Variants in SECISBP2L observed in about 807,000 individuals in gnomAD.
SECISBP2L encodes the protein SECIS binding protein 2 like.
Under a neutral mutation model 114.7 loss-of-function variants are expected in SECISBP2L, and 43 were observed. That is an observed-to-expected ratio of 0.38 (90% CI 0.29 to 0.48). The LOEUF (loss-of-function observed/expected upper bound fraction) is 0.48, where lower values mean the gene tolerates loss of function less well. Ranked by LOEUF, SECISBP2L falls within the 20% of genes least tolerant of loss-of-function variation. The pLI is 0.98. For synonymous variants in SECISBP2L, 451 were observed against 439.7 expected (o/e 1.03, Z -0.32); for missense variants, 1,136 against 1,301.1 (o/e 0.87, Z 1.95).
At chr15:49,037,117 G>A (rs1452050869) in intron 2 of SECISBP2L, among the ~76,000 whole-genome samples, 1 of 151,866 alleles carries the variant, frequency 6.6e-6, no homozygotes, top group Non-Finnish European at 1.5e-5. Context: ...AAATCATCCT[G>A]TAACTATAGC....
chr15:49,027,845 G>A (rs1595792697), intron 6 of SECISBP2L, among the ~76,000 whole-genome samples: 2 of 152,000 alleles, frequency 1.3e-5, no homozygotes, highest in Non-Finnish European at 2.9e-5. Context: ...TCCTGACCTC[G>A]TGATCCACCC....
At chr15:48,994,208 T>C (rs1489324269) in intron 17 of SECISBP2L, among the ~76,000 whole-genome samples, 3 of 152,174 alleles carry the variant, frequency 2.0e-5, no homozygotes, top group Non-Finnish European at 4.4e-5. Context: ...TAGTAACACT[T>C]GATCCTACTT....
chr15:49,034,960 C>T (rs1358783214), intron 3 of SECISBP2L, among the ~76,000 whole-genome samples: 1 of 152,076 alleles, frequency 6.6e-6, no homozygotes, highest in East Asian at 1.9e-4. Flanking sequence ...CTACACCTGG[C>T]CCATTGAAAT....
chr15:48,996,685 C>A, intron 16 of SECISBP2L, 99 bp from the exon 17 acceptor site: 1 of 1,053,140 alleles, frequency 9.5e-7, no homozygotes. Context: ...CAGGGTCAGA[C>A]ACTTTCAATG....
chr15:49,005,682 C>T (rs1288202106), intron 14 of SECISBP2L, among the ~76,000 whole-genome samples: 6 of 149,438 alleles, frequency 4.0e-5, no homozygotes, highest in African/African-American at 1.2e-4. Flanking sequence ...ATACAGGACA[C>T]CAATGGGTCT....
At chr15:49,029,345 C>T (rs1160667175) in intron 4 of SECISBP2L, among the ~76,000 whole-genome samples, 1 of 152,176 alleles carries the variant, frequency 6.6e-6, no homozygotes, top group Non-Finnish European at 1.5e-5. Context: ...ATATCATTCC[C>T]TCACTTTTCT....
intron 11 of SECISBP2L, 125 bp downstream of exon 11, chr15:49,016,433 CAT>C (rs1259806001): frequency 1.8e-5 from 14 of 760,612 alleles, no homozygotes; most frequent in African/African-American, 7.3e-5. Flanking sequence ...AACACACATA[CAT>C]ATATATACAC....
chr15:49,004,047 C>T lies in SECISBP2L; in HGVS notation c.2028-2950G>A, dbSNP rs192388667. Among the ~76,000 whole-genome samples the T allele has an allele frequency of 1.6e-3, 248 of 152,168 alleles. 1 individual carries two copies. The highest frequency in any genetic ancestry group is 9.8e-3 in the Admixed American group (150 of 15,280). ...TCCTCTTTGTAACTCTGGCAGAATT[C>T]GGCTGTGAATATGTCTGGTTCTAGG... On this transcript the variant is annotated intron_variant, in intron 14 of 17. Coordinates refer to ENST00000559471, the MANE Select transcript of SECISBP2L (RefSeq NM_001193489.2).
At chr15:49,043,824 C>T (rs1418599994) in intron 1 of SECISBP2L, among the ~76,000 whole-genome samples, 1 of 151,952 alleles carries the variant, frequency 6.6e-6, no homozygotes, top group Non-Finnish European at 1.5e-5. Context: ...ATCCATCTAG[C>T]ACTGTATTCC....
chr15:49,023,033 A>AT (rs1301887204), intron 7 of SECISBP2L, among the ~76,000 whole-genome samples: 1 of 152,064 alleles, frequency 6.6e-6, no homozygotes, highest in African/African-American at 2.4e-5. Context: ...CCATCAAAAA[A>AT]AAAAGGACCA....
intron 8 of SECISBP2L, 46 bp downstream of exon 8, chr15:49,019,372 G>T: frequency 7.7e-7 from 1 of 1,296,452 alleles, no homozygotes; most frequent in Non-Finnish European, 9.8e-7. Context: ...TTTCTTAATG[G>T]GAACATTTCC....
chr15:49,030,962 C>T (rs1379363713), intron 4 of SECISBP2L, among the ~76,000 whole-genome samples: 2 of 150,000 alleles, frequency 1.3e-5, no homozygotes, highest in East Asian at 3.9e-4. Flanking sequence ...ATTAGTTTAT[C>T]AAGTTTCCCC....
intron 12 of SECISBP2L, among the ~76,000 whole-genome samples, chr15:49,012,269 A>G (rs1396243361): frequency 6.6e-6 from 1 of 152,240 alleles, no homozygotes; most frequent in East Asian, 1.9e-4. Context: ...GTTAAATCAA[A>G]TATGCTCCCC....
intron 11 of SECISBP2L, among the ~76,000 whole-genome samples, chr15:49,015,675 TA>T (rs769742690): frequency 2.0e-5 from 3 of 152,186 alleles, no homozygotes; most frequent in Non-Finnish European, 4.4e-5. Flanking sequence ...CAAGGTTTGT[TA>T]AAATAGAAAT....
At chr15:49,027,319 A>T in intron 7 of SECISBP2L, 46 bp downstream of exon 7, 454 of 1,140,816 alleles carry the variant, frequency 4.0e-4, no homozygotes, top group Non-Finnish European at 5.6e-4. Context: ...ATCTAAAATG[A>T]CTCATCTCAT....
At chr15:49,033,168 A>G in intron 3 of SECISBP2L, 68 bp from the exon 4 acceptor site, 1 of 1,500,992 alleles carries the variant, frequency 6.7e-7, no homozygotes, top group East Asian at 2.3e-5. Flanking sequence ...ATTATAAAAA[A>G]CACATCTAAA....
intron 13 of SECISBP2L, chr15:49,011,504 T>G (rs1902435550): frequency 2.5e-6 from 1 of 393,838 alleles, no homozygotes; most frequent in African/African-American, 2.0e-5. Flanking sequence ...AATTCAGGAT[T>G]TAAGCCTCAA....
chr15:49,033,605 G>C (rs112317611), intron 3 of SECISBP2L, among the ~76,000 whole-genome samples: 60 of 152,018 alleles, frequency 3.9e-4, no homozygotes, highest in African/African-American at 1.4e-3. Flanking sequence ...TGGGCTCCTA[G>C]GCTGAAAGAT....
intron 4 of SECISBP2L, among the ~76,000 whole-genome samples, chr15:49,031,029 ATCATTT>A (rs1902872910): frequency 1.5e-5 from 2 of 130,882 alleles, no homozygotes; most frequent in Non-Finnish European, 3.3e-5. Flanking sequence ...ATAAAGACTT[ATCATTT>A]TCTTTTTTTT....
Sources: allele counts gnomAD v4.1 joint callset (sites outside exome capture counted in the v4.1 genomes callset), GRCh38; gene constraint gnomAD v4.1.1; transcripts MANE v1.5; gene names NCBI Gene and HGNC (gene_info 2026-07-23, HGNC 2026-07-21).